FMNL2: variants seen among roughly 807,000 people sequenced by gnomAD.
FMNL2 encodes formin like 2, also known as formin-like protein 2.
Under a neutral mutation model 130.2 loss-of-function variants are expected in FMNL2, and 51 were observed. The observed-to-expected ratio is 0.39, with a 90% CI of 0.31 to 0.49. FMNL2 has a LOEUF of 0.49. Among genes scored for constraint, FMNL2 ranks in the 20% least tolerant of loss-of-function variants. The probability of loss-of-function intolerance (pLI) is 0.85; values close to 1 mark genes in which losing one functional copy is unlikely to be tolerated. For synonymous variants in FMNL2, 465 were observed against 467.1 expected (o/e 1.00, Z 0.06); for missense variants, 977 against 1,316.2 (o/e 0.74, Z 3.99).
intron 1 of FMNL2, among the ~76,000 whole-genome samples, chr2:152,425,745 G>T (rs898369476): frequency 6.6e-6 from 1 of 152,180 alleles, no homozygotes; most frequent in African/African-American, 2.4e-5. Context: ...TATAACATTG[G>T]AAAGAGATAT....
intron 1 of FMNL2, among the ~76,000 whole-genome samples, chr2:152,358,906 C>T (rs1043328226): frequency 6.6e-6 from 1 of 152,144 alleles, no homozygotes; most frequent in African/African-American, 2.4e-5. Flanking sequence ...GCATATTCAA[C>T]TTAAGTGATT....
intron 1 of FMNL2, among the ~76,000 whole-genome samples, chr2:152,410,379 C>T (rs991382310): frequency 2.0e-5 from 3 of 152,186 alleles, no homozygotes; most frequent in Non-Finnish European, 2.9e-5. Context: ...CATTGATTGA[C>T]AAGACCTTCT....
At chr2:152,367,102 G>T (rs1225367409) in intron 1 of FMNL2, among the ~76,000 whole-genome samples, 4 of 149,646 alleles carry the variant, frequency 2.7e-5, no homozygotes, top group East Asian at 1.9e-4. Context: ...CCCAGATGGG[G>T]TCTTGCTCTG....
At chr2:152,638,487 G>GAC (rs1682808420) in intron 23 of FMNL2, among the ~76,000 whole-genome samples, 1 of 152,166 alleles carries the variant, frequency 6.6e-6, no homozygotes, top group Non-Finnish European at 1.5e-5. Flanking sequence ...GAAATAGGGG[G>GAC]ACACTTCCCT....
intron 1 of FMNL2, among the ~76,000 whole-genome samples, chr2:152,518,764 T>C (rs1331122465): frequency 6.6e-6 from 1 of 152,210 alleles, no homozygotes; most frequent in Non-Finnish European, 1.5e-5. Flanking sequence ...CCATCTAAGC[T>C]GCCATCATTC....
rs1681317339 is a variant in FMNL2, at chr2:152,335,198, A to G, written c.-406A>G. 6.5e-6 allele frequency: 1 copy of G among 153,886 alleles called. No homozygotes were observed. The highest frequency in any genetic ancestry group is 1.4e-5 in the Non-Finnish European group (1 of 69,352). The allele number at this position is 153,886 out of a possible 1,614,324, so 9.5% of individuals were successfully genotyped here. ...TGTCTGCTCCAGGTGCTAGCCAGGC[A>G]GGCGCAGCCGTGGCCGGCTAGGGCT... On this transcript the variant is annotated 5_prime_UTR_variant, in exon 1 of 26. Transcript: ENST00000288670.
chr2:152,478,565 A>G (rs1558897122), intron 1 of FMNL2, among the ~76,000 whole-genome samples: 1 of 152,102 alleles, frequency 6.6e-6, no homozygotes, highest in Non-Finnish European at 1.5e-5. Flanking sequence ...TGTTACAAAA[A>G]GGCAAAGTGT....
chr2:152,388,760 CA>C (rs1262660043), intron 1 of FMNL2, among the ~76,000 whole-genome samples: 2 of 152,214 alleles, frequency 1.3e-5, no homozygotes, highest in African/African-American at 4.8e-5. Flanking sequence ...CACAAGTTTT[CA>C]AAAAGAAGTT....
At chr2:152,563,882 C>T (rs1558966971) in intron 6 of FMNL2, among the ~76,000 whole-genome samples, 1 of 152,138 alleles carries the variant, frequency 6.6e-6, no homozygotes, top group Non-Finnish European at 1.5e-5. Context: ...GCCTCTGGAG[C>T]AGCTTCAGTT....
At chr2:152,561,129 A>C in intron 6 of FMNL2, 94 bp downstream of exon 6, 1 of 1,315,944 alleles carries the variant, frequency 7.6e-7, no homozygotes, top group Non-Finnish European at 1.0e-6. Flanking sequence ...GTATCTCATA[A>C]ATTGCCATAC....
chr2:152,404,004 G>A (rs571768576), intron 1 of FMNL2, among the ~76,000 whole-genome samples: 47 of 152,304 alleles, frequency 3.1e-4, no homozygotes. Flanking sequence ...GGAGGCAGAG[G>A]TTGCAGTGAG....
At chr2:152,348,420 T>A (rs966171515) in intron 1 of FMNL2, among the ~76,000 whole-genome samples, 1 of 152,202 alleles carries the variant, frequency 6.6e-6, no homozygotes, top group African/African-American at 2.4e-5. Context: ...AGCAAATGAT[T>A]GCTGACTTGA....
chr2:152,582,711 G>A (rs183922041), intron 9 of FMNL2, among the ~76,000 whole-genome samples: 37 of 152,132 alleles, frequency 2.4e-4, no homozygotes, highest in African/African-American at 8.2e-4. Context: ...AGTATGTTTG[G>A]GTGGATGGGT....
At chr2:152,601,446 G>A (rs1446256417) in intron 9 of FMNL2, among the ~76,000 whole-genome samples, 8 of 151,140 alleles carry the variant, frequency 5.3e-5, no homozygotes, top group South Asian at 2.1e-4. Flanking sequence ...GATTACAGGC[G>A]CCTGCCACGA....
At chr2:152,519,089 G>A (rs952509635) in intron 1 of FMNL2, among the ~76,000 whole-genome samples, 2 of 152,058 alleles carry the variant, frequency 1.3e-5, no homozygotes, top group Admixed American at 1.3e-4. Context: ...TGCCTTTGAG[G>A]CTTCCCTTGT....
intron 3 of FMNL2, among the ~76,000 whole-genome samples, chr2:152,543,759 AG>A (rs1360468073): frequency 3.5e-5 from 5 of 143,976 alleles, no homozygotes; most frequent in Non-Finnish European, 7.5e-5. Context: ...AGTCCAGCAA[AG>A]GAGAACAGCT....
intron 1 of FMNL2, among the ~76,000 whole-genome samples, chr2:152,425,310 T>A (rs905300749): frequency 2.6e-5 from 4 of 152,100 alleles, no homozygotes; most frequent in Non-Finnish European, 5.9e-5. Context: ...GGAGACAGAG[T>A]TATTTGAGAT....
intron 6 of FMNL2, among the ~76,000 whole-genome samples, chr2:152,570,972 T>C (rs1317241019): frequency 2.0e-5 from 3 of 152,194 alleles, no homozygotes; most frequent in Non-Finnish European, 2.9e-5. Context: ...CCAGGGAGCA[T>C]CTATTCAGGA....
intron 1 of FMNL2, among the ~76,000 whole-genome samples, chr2:152,349,980 G>T (rs188869485): frequency 7.9e-5 from 12 of 152,186 alleles, no homozygotes; most frequent in Non-Finnish European, 1.5e-4. Context: ...TCGATTGAAC[G>T]TCTGCTCCCA....
Sources: gnomAD v4.1 joint callset for allele counts (sites outside exome capture counted in the v4.1 genomes callset) on GRCh38, gnomAD v4.1.1 for gene constraint, MANE v1.5 for transcripts, NCBI Gene and HGNC (gene_info 2026-07-23, HGNC 2026-07-21) for gene names.